The following TBX15 variants were observed in gnomAD, a reference collection of about 807,000 sequenced individuals.
The protein encoded by TBX15 is T-box transcription factor TBX15.
In TBX15, 18 loss-of-function variants were observed where a neutral mutation model predicts 53.9. That is an observed-to-expected ratio of 0.33 (90% CI 0.23 to 0.49). The LOEUF is 0.49. Among genes scored for constraint, TBX15 ranks in the 20% least tolerant of loss-of-function variants. The pLI, the probability that TBX15 is intolerant of heterozygous loss-of-function variation, is 0.98. For missense variants in TBX15, 692 were observed against 749.5 expected, an observed-to-expected ratio of 0.92 and a Z score of 0.90; for synonymous variants, 295 against 278.0, an observed-to-expected ratio of 1.06 and a Z score of -0.61.
Position 118,967,493 on chromosome 1 carries a change from C to T in TBX15, c.205+20098G>A, listed in dbSNP as rs537302613. Among the ~76,000 whole-genome samples the T allele has an allele frequency of 1.4e-4, 22 of 152,236 alleles. 1 individual carries two copies. The South Asian group carries it at 3.9e-3, about 27-fold the overall frequency. On this transcript the variant is annotated intron_variant, in intron 1 of 7. Transcript: ENST00000369429. ...GCTAAGATTTTATGTTCTCTGTATG[C>T]CTGACAAAGATAGCTATATTCCGTA...
rs1653812772 is a variant in TBX15, at chr1:118,883,804, A to G, written c.*928T>C. 2 of 150,776 alleles carry G rather than the reference A, an allele frequency of 1.3e-5. No homozygotes were observed. Among genetic ancestry groups the G allele is most frequent in the African/African-American group, 4.8e-5 (2 of 41,262 alleles). 9.3% of individuals were successfully genotyped at this position (150,776 alleles called of 1,614,324 possible). On this transcript the variant is annotated 3_prime_UTR_variant, in exon 8 of 8. Transcript: ENST00000369429. Reference sequence around the variant, plus strand: ...GTGCCAGAGAGGTTTACTCCTCAGTAATGCCATGATTCTTTCCATAACCTG... The same window carrying G: ...GTGCCAGAGAGGTTTACTCCTCAGTGATGCCATGATTCTTTCCATAACCTG...
intron 6 of TBX15, among the ~76,000 whole-genome samples, chr1:118,913,680 A>AT (rs932197803): frequency 1.3e-5 from 2 of 151,912 alleles, no homozygotes; most frequent in African/African-American, 4.8e-5. Flanking sequence ...AAACAGTTAC[A>AT]TTTTTTTTCA....
intron 1 of TBX15, among the ~76,000 whole-genome samples, chr1:118,965,398 G>C (rs931635433): frequency 6.6e-6 from 1 of 152,126 alleles, no homozygotes; most frequent in Non-Finnish European, 1.5e-5. Context: ...CAAATACAAG[G>C]GTATTAGGTA....
intron 5 of TBX15, among the ~76,000 whole-genome samples, chr1:118,916,201 C>T (rs1166596825): frequency 6.6e-6 from 1 of 152,042 alleles, no homozygotes; most frequent in Non-Finnish European, 1.5e-5. Context: ...TGTGCACTAA[C>T]AATTACAATA....
chr1:118,926,669 T>C lies in TBX15; in HGVS notation c.420-58A>G, dbSNP rs1039202695. On this transcript the variant is annotated intron_variant, in intron 2 of 7. Coordinates refer to ENST00000369429, the MANE Select transcript of TBX15 (RefSeq NM_001330677.2). ...ATCAGGGTGGGAGAAGTAGCAGGGG[T>C]AAAAGCTTAAACAATGTGGGTTTTT... The C allele has an allele frequency of 2.8e-5, 40 of 1,419,444 alleles. No individual in the cohort carries two copies. The African/African-American group carries it at 5.6e-4, about 20-fold the overall frequency. 87.9% of individuals were successfully genotyped at this position (1,419,444 alleles called of 1,614,324 possible). A position where few individuals can be genotyped will look rare whatever the true frequency, so the allele number is the denominator to read the frequency against.
intron 1 of TBX15, among the ~76,000 whole-genome samples, chr1:118,979,021 C>G (rs1383150260): frequency 6.6e-6 from 1 of 152,092 alleles, no homozygotes; most frequent in Non-Finnish European, 1.5e-5. Context: ...GCACCTAGCC[C>G]CTAGGTTTAC....
rs3033458 is a variant in TBX15 at position 118,988,148 on chromosome 1, CCTCTCTCTCTCT to C, written c.-365_-354del. The stretch of plus-strand genomic sequence containing the variant: ...TTTTGTTATTATTATTATTCTCTCT[CCTCTCTCTCTCT>C]CTCTCTCTCTCCCCTCCCTCTCTTT... On this transcript the variant is annotated 5_prime_UTR_variant, in exon 1 of 8. Coordinates refer to ENST00000369429, the MANE Select transcript of TBX15 (RefSeq NM_001330677.2). The C allele has an allele frequency of 5.6e-6, 1 of 179,308 alleles. No homozygotes were observed. The highest frequency in any genetic ancestry group is 2.4e-5 in the African/African-American group (1 of 41,390). The allele number at this position is 179,308 out of a possible 1,614,324, so 11.1% of individuals were successfully genotyped here.
intron 1 of TBX15, among the ~76,000 whole-genome samples, chr1:118,959,615 C>T (rs1284848750): frequency 6.6e-6 from 1 of 152,204 alleles, no homozygotes; most frequent in Non-Finnish European, 1.5e-5. Context: ...ACTCTGAGCA[C>T]TAGCAAAATA....
In TBX15 at chr1:118,885,319, C is replaced by A; in HGVS notation, c.1222G>T (p.Ala408Ser). The change falls in exon 8 of 8, where the codon GCT becomes TCT. Residue 408 changes from alanine to serine, a missense_variant. By Grantham distance (99) the Ala-to-Ser change is moderately conservative (BLOSUM62 1). Coordinates refer to ENST00000369429, the MANE Select transcript of TBX15 (RefSeq NM_001330677.2). ...DYPPCARSNM[A>S]ALQSYPGLSD... ...AGCCCTGGGTAGCTCTGCAAGGCAG[C>A]CATGTTGCTTCGGGCACATGGTGGA... The A allele has an allele frequency of 6.2e-7, 1 of 1,614,066 alleles. No individual in the cohort carries two copies. Among genetic ancestry groups the A allele is most frequent in the Non-Finnish European group, 8.5e-7 (1 of 1,180,020 alleles).
rs924523173 is a variant in TBX15 at position 118,952,625 on chromosome 1, C to A, written c.206-20793G>T. Among the ~76,000 whole-genome samples the A allele has an allele frequency of 2.0e-5, 3 of 152,162 alleles. No individual in the cohort carries two copies. In the East Asian group the frequency reaches 5.8e-4, roughly 29 times the overall value. On this transcript the variant is annotated intron_variant, in intron 1 of 7. Transcript: ENST00000369429. ...ATGTCTAATCCCTCCTTCTCCTGGG[C>A]AGTCTGCCCTAACATAGCTCTAAAT...
At chr1:118,889,043 G>A (rs1654045721) in intron 7 of TBX15, among the ~76,000 whole-genome samples, 1 of 152,212 alleles carries the variant, frequency 6.6e-6, no homozygotes, top group Admixed American at 6.5e-5. Flanking sequence ...CACTGGAAAT[G>A]AGACTTGGTG....
intron 1 of TBX15, among the ~76,000 whole-genome samples, chr1:118,964,032 A>G (rs1444500023): frequency 6.6e-6 from 1 of 152,208 alleles, no homozygotes; most frequent in Non-Finnish European, 1.5e-5. Flanking sequence ...TCAGCCAGCC[A>G]TTTAAGCCAC....
Position 118,988,265 on chromosome 1 carries a change from T to G in TBX15, c.-470A>C, listed in dbSNP as rs1657912451. The G allele has an allele frequency of 6.4e-6, 1 of 156,608 alleles. No homozygotes were observed. Among genetic ancestry groups the G allele is most frequent in the African/African-American group, 2.4e-5 (1 of 41,452 alleles). The allele number at this position is 156,608 out of a possible 1,614,324, so 9.7% of individuals were successfully genotyped here. ...TCCAAACTTCTGGGAAACTTTTTTT[T>G]CCGCTAAATTCCTCCCTTCCCGAGG... On this transcript the variant is annotated 5_prime_UTR_variant, in exon 1 of 8. Coordinates refer to ENST00000369429, the MANE Select transcript of TBX15 (RefSeq NM_001330677.2).
intron 6 of TBX15, among the ~76,000 whole-genome samples, chr1:118,903,420 C>A (rs1654701846): frequency 6.6e-6 from 1 of 152,140 alleles, no homozygotes; most frequent in Non-Finnish European, 1.5e-5. Context: ...ATAAGTACAA[C>A]AATAATTATA....
chr1:118,899,140 G>A lies in TBX15; in HGVS notation c.927-15C>T. 6.2e-7 allele frequency: 1 copy of A among 1,609,958 alleles called. No homozygotes were observed. Among genetic ancestry groups the A allele is most frequent in the South Asian group, 1.1e-5 (1 of 90,908 alleles). ...CAAGTCCAGTTCTGACAAGAGAAAA[G>A]CCAGCAAAGGAAGTCATAAATAATT... On this transcript the variant is annotated splice_polypyrimidine_tract_variant and intron_variant, in intron 6 of 7. Coordinates refer to ENST00000369429, the MANE Select transcript of TBX15 (RefSeq NM_001330677.2).
chr1:118,891,878 T>A (rs1654157322), intron 7 of TBX15, among the ~76,000 whole-genome samples: 1 of 152,198 alleles, frequency 6.6e-6, no homozygotes. Flanking sequence ...ATGAGTTTCT[T>A]TTTTGCTTTG....
chr1:118,888,571 G>T (rs1171746397), intron 7 of TBX15, among the ~76,000 whole-genome samples: 1 of 152,178 alleles, frequency 6.6e-6, no homozygotes, highest in Non-Finnish European at 1.5e-5. Flanking sequence ...CACTCCAAAT[G>T]CTATGAGCTT....
chr1:118,935,829 C>T (rs1655949646), intron 1 of TBX15, among the ~76,000 whole-genome samples: 1 of 152,162 alleles, frequency 6.6e-6, no homozygotes, highest in South Asian at 2.1e-4. Context: ...ATGTTTTACA[C>T]ATTACCTAAT....
At chr1:118,913,979 T>G in intron 6 of TBX15, 136 bp downstream of exon 6, 1 of 830,452 alleles carries the variant, frequency 1.2e-6, no homozygotes, top group Non-Finnish European at 2.0e-6. Context: ...TAGCTATCCA[T>G]TTCTCTTTGC....
Sources: allele counts gnomAD v4.1 joint callset (sites outside exome capture counted in the v4.1 genomes callset), GRCh38; gene constraint gnomAD v4.1.1; transcripts MANE v1.5; gene names NCBI Gene and HGNC (gene_info 2026-07-23, HGNC 2026-07-21).